Variants in BCL7B observed in about 807,000 individuals in gnomAD.
BCL7B encodes BAF chromatin remodeling complex subunit BCL7B.
BCL7B carries 11 observed loss-of-function variants against 26.5 expected under a neutral mutation model. That is an observed-to-expected ratio of 0.42 (90% CI 0.26 to 0.69). The LOEUF is 0.69. Among genes scored for constraint, BCL7B ranks in the 30% least tolerant of loss-of-function variants. BCL7B has a pLI of 0.28. For synonymous variants in BCL7B, 111 were observed against 107.9 expected (o/e 1.03, Z -0.18); for missense variants, 215 against 264.4 (o/e 0.81, Z 1.30).
intron 1 of BCL7B, among the ~76,000 whole-genome samples, chr7:73,555,348 G>A (rs1792322187): frequency 6.8e-6 from 1 of 146,658 alleles, no homozygotes; most frequent in South Asian, 2.1e-4. Context: ...GTTGCCGTGA[G>A]CCAAGATCGC....
At chr7:73,550,295 C>T (rs1392591242) in intron 2 of BCL7B, among the ~76,000 whole-genome samples, 1 of 152,092 alleles carries the variant, frequency 6.6e-6, no homozygotes, top group African/African-American at 2.4e-5. Context: ...CCTGTCATCC[C>T]AGCACTTTGG....
In BCL7B at chr7:73,536,483, A is replaced by T. The variant is rs1261349737; in HGVS notation, c.*815T>A. On this transcript the variant is annotated 3_prime_UTR_variant, in exon 6 of 6. Coordinates refer to ENST00000223368, the MANE Select transcript of BCL7B (RefSeq NM_001707.4). Reference sequence around the variant, plus strand: ...AAAATAAAATCACAAAGTTCAATTCAACATGCAGATTTCAAAGAAAAGGGA... The same window carrying T: ...AAAATAAAATCACAAAGTTCAATTCTACATGCAGATTTCAAAGAAAAGGGA... 1 of 152,604 alleles carries T rather than the reference A, an allele frequency of 6.6e-6. No homozygotes were observed. The highest frequency in any genetic ancestry group is 2.4e-5 in the African/African-American group (1 of 41,466). 9.5% of individuals were successfully genotyped at this position (152,604 alleles called of 1,614,324 possible).
At chr7:73,554,226 G>C (rs1289554530) in intron 1 of BCL7B, among the ~76,000 whole-genome samples, 1 of 151,782 alleles carries the variant, frequency 6.6e-6, no homozygotes, top group African/African-American at 2.4e-5. Flanking sequence ...GCCTCTCGAA[G>C]TGCTGGGATT....
intron 3 of BCL7B, chr7:73,542,762 G>C: frequency 3.4e-6 from 1 of 293,700 alleles, no homozygotes. Context: ...TCGGCTTTGG[G>C]TAGCCTACTC....
chr7:73,537,292 A>C lies in BCL7B; in HGVS notation c.*6T>G. The C allele has an allele frequency of 6.2e-7, 1 of 1,613,736 alleles. No homozygotes were observed. Among genetic ancestry groups the C allele is most frequent in the Non-Finnish European group, 8.5e-7 (1 of 1,179,788 alleles). On this transcript the variant is annotated 3_prime_UTR_variant, in exon 6 of 6. Transcript: ENST00000223368. ...CAGGGCCAGGAGGCGGAGGGCCGGGATGGTGCTAGCTTTCTGACGCCGTCT... is the reference window on the plus strand; with the variant it reads ...CAGGGCCAGGAGGCGGAGGGCCGGGCTGGTGCTAGCTTTCTGACGCCGTCT...
At chr7:73,552,115 T>G in intron 2 of BCL7B, 52 bp downstream of exon 2, 7 of 1,264,134 alleles carry the variant, frequency 5.5e-6, no homozygotes, top group Non-Finnish European at 7.8e-6. Context: ...AAAGAGGCAA[T>G]CAAATAAAGA....
At chr7:73,553,009 C>A (rs1792235811) in intron 1 of BCL7B, among the ~76,000 whole-genome samples, 1 of 152,030 alleles carries the variant, frequency 6.6e-6, no homozygotes, top group South Asian at 2.1e-4. Context: ...GCAGCCTTGA[C>A]CTCCTGGGCT....
In BCL7B at chr7:73,537,370, G is replaced by GTCTTCC. The variant is rs1219061705; in HGVS notation, c.531_536dup (p.Glu177_Glu178dup). The GTCTTCC allele has an allele frequency of 1.2e-6, 2 of 1,614,078 alleles. No individual in the cohort carries two copies. The highest frequency in any genetic ancestry group is 8.5e-7 in the Non-Finnish European group (1 of 1,179,970). On this transcript the variant is annotated inframe_insertion, in exon 6 of 6. Coordinates refer to ENST00000223368, the MANE Select transcript of BCL7B (RefSeq NM_001707.4). ...AGCGCTTCAGGGGCGGGGCACCTGA[G>GTCTTCC]TCTTCCTCTTCCTCAACGACCTAGG...
chr7:73,541,209 G>A (rs550711917), intron 3 of BCL7B, among the ~76,000 whole-genome samples: 177 of 151,788 alleles, frequency 1.2e-3, no homozygotes, highest in African/African-American at 4.1e-3. Context: ...GCATTCCTCC[G>A]CTGCACCTAC....
chr7:73,546,561 A>T (rs148381554), intron 2 of BCL7B, among the ~76,000 whole-genome samples: 3 of 151,746 alleles, frequency 2.0e-5, no homozygotes, highest in African/African-American at 4.8e-5. Flanking sequence ...CCAGCTACTC[A>T]GGAGGCTGAG....
At chr7:73,550,320 C>T (rs1479174665) in intron 2 of BCL7B, among the ~76,000 whole-genome samples, 2 of 152,000 alleles carry the variant, frequency 1.3e-5, no homozygotes, top group African/African-American at 2.4e-5. Context: ...CCAAGGCAGG[C>T]GGATTACTTG....
In BCL7B at chr7:73,557,545, T is replaced by C. The variant is rs1554584915; in HGVS notation, c.34A>G (p.Ser12Gly). 1.4e-6 allele frequency: 2 copies of C among 1,433,692 alleles called. No homozygotes were observed. Among genetic ancestry groups the C allele is most frequent in the South Asian group, 2.9e-5 (2 of 69,716 alleles). 88.8% of individuals were successfully genotyped at this position (1,433,692 alleles called of 1,614,324 possible). Residue 12 changes from serine (S) to glycine (G), a missense_variant, in exon 1 of 6, where the codon AGC (serine) becomes GGC (glycine). Physicochemically the swap from Ser to Gly is moderately conservative, Grantham distance 56. Transcript: ENST00000223368. ...SGRSVRAETR[S>G]RAKDDIKKVM... Reference sequence around the variant, plus strand: ...TTCTTGATGTCGTCCTTGGCCCGGCTGCGGGTCTCCGCCCGGACCGACCGG... The same window carrying C: ...TTCTTGATGTCGTCCTTGGCCCGGCCGCGGGTCTCCGCCCGGACCGACCGG...
intron 1 of BCL7B, among the ~76,000 whole-genome samples, chr7:73,554,841 G>C (rs1370225837): frequency 6.7e-6 from 1 of 150,116 alleles, no homozygotes; most frequent in African/African-American, 2.5e-5. Context: ...AGTGTAAAGA[G>C]ACTGTGATGT....
In BCL7B at chr7:73,537,263, G is replaced by C; in HGVS notation, c.*35C>G. The C allele has an allele frequency of 1.2e-6, 2 of 1,606,664 alleles. No homozygotes were observed. The highest frequency in any genetic ancestry group is 1.1e-5 in the South Asian group (1 of 90,850). ...GGCCAGAACCAGAATGCAATAAATA[G>C]AGGCAGGGCCAGGAGGCGGAGGGCC... On this transcript the variant is annotated 3_prime_UTR_variant, in exon 6 of 6. Coordinates refer to ENST00000223368, the MANE Select transcript of BCL7B (RefSeq NM_001707.4).
chr7:73,543,909 C>A, intron 2 of BCL7B: 1 of 380,298 alleles, frequency 2.6e-6, no homozygotes, highest in Non-Finnish European at 4.9e-6. Flanking sequence ...TAGAACATCC[C>A]ATAGTATCCC....
rs1554584899 is a variant in BCL7B at position 73,557,508 on chromosome 7, G to A, written c.71C>T (p.Ala24Val). ...TCACCATTTCCGCACTTTCTCGATG[G>A]CCGCCATCACCTTCTTGATGTCGTC... ...AKDDIKKVMAAIEKVRKWEKK... is the reference protein window; with the variant it reads ...AKDDIKKVMAVIEKVRKWEKK... Residue 24 changes from alanine to valine, a missense_variant, in exon 1 of 6, where the codon GCC becomes GTC. Ala to Val is a moderately conservative substitution (Grantham distance 64). Transcript: ENST00000223368. 6.9e-7 allele frequency: 1 copy of A among 1,447,804 alleles called. No homozygotes were observed. The highest frequency in any genetic ancestry group is 1.4e-5 in the South Asian group (1 of 71,376). 89.7% of individuals were successfully genotyped at this position (1,447,804 alleles called of 1,614,324 possible).
rs1791577661 is a variant in BCL7B at position 73,537,358 on chromosome 7, C to CG, written c.548dup (p.Pro184AlafsTer47). 1 of 1,613,966 alleles carries CG rather than the reference C, an allele frequency of 6.2e-7. No homozygotes were observed. The highest frequency in any genetic ancestry group is 1.7e-5 in the Admixed American group (1 of 59,986). ...GGTCCACACAGAAGCGCTTCAGGGG[C>CG]GGGGCACCTGAGTCTTCCTCTTCCT... is the stretch of plus-strand genomic sequence containing the variant. On this transcript the variant is annotated frameshift_variant, in exon 6 of 6. Transcript: ENST00000223368. LOFTEE classifies it high-confidence loss of function.
chr7:73,551,154 C>T (rs1379722487), intron 2 of BCL7B, among the ~76,000 whole-genome samples: 2 of 152,216 alleles, frequency 1.3e-5, no homozygotes, highest in Admixed American at 1.3e-4. Flanking sequence ...TATCAGCAAA[C>T]TTTTTCTTAA....
Position 73,539,961 on chromosome 7 carries a change from C to T in BCL7B, c.357G>A (p.Glu119=), listed in dbSNP as rs1554582631. The change falls in exon 4 of 6, where the codon GAG becomes GAA. Residue 119 remains glutamate (E), a synonymous_variant. Transcript: ENST00000223368. ...TNSSPSPQQS[E]SLSPAHTSDF... is the part of the protein sequence containing the mutation. ...CGGAGGTGTGTGCTGGGCTCAGGGACTCACTCTGCTGGGGGCTGGGGCTTG... is the reference window on the plus strand; with the variant it reads ...CGGAGGTGTGTGCTGGGCTCAGGGATTCACTCTGCTGGGGGCTGGGGCTTG... 13 of 1,613,948 alleles carry T rather than the reference C, an allele frequency of 8.1e-6. No homozygotes were observed. Among genetic ancestry groups the T allele is most frequent in the Admixed American group, 1.7e-5 (1 of 59,962 alleles).
Sources: allele counts gnomAD v4.1 joint callset (sites outside exome capture counted in the v4.1 genomes callset), GRCh38; gene constraint gnomAD v4.1.1; transcripts MANE v1.5; gene names NCBI Gene and HGNC (gene_info 2026-07-23, HGNC 2026-07-21).